NSG2: variants seen among roughly 807,000 people sequenced by gnomAD.
NSG2 encodes neuronal vesicle trafficking-associated protein 2.
A neutral mutation model predicts 16.9 loss-of-function variants in NSG2; 4 were observed. That is an observed-to-expected ratio of 0.24 (90% CI 0.12 to 0.54). The LOEUF (loss-of-function observed/expected upper bound fraction) is 0.54. NSG2 is among the 20% of genes least tolerant of loss of function. NSG2 has a pLI of 0.95. For synonymous variants in NSG2, 98 were observed against 88.7 expected (o/e 1.11, Z -0.59); for missense variants, 179 against 221.1 (o/e 0.81, Z 1.21).
At chr5:174,103,670 G>A (rs1173377460) in intron 3 of NSG2, among the ~76,000 whole-genome samples, 3 of 152,136 alleles carry the variant, frequency 2.0e-5, no homozygotes, top group Non-Finnish European at 4.4e-5. Flanking sequence ...GGAGTGGTCG[G>A]GTGCAGTGGC....
intron 2 of NSG2, among the ~76,000 whole-genome samples, chr5:174,062,159 G>T (rs1760063771): frequency 6.6e-6 from 1 of 152,052 alleles, no homozygotes; most frequent in Non-Finnish European, 1.5e-5. Flanking sequence ...ACAATCCAAC[G>T]AGGTGGTCAT....
chr5:174,051,061 G>A (rs188386434), intron 2 of NSG2, among the ~76,000 whole-genome samples: 31 of 152,254 alleles, frequency 2.0e-4, no homozygotes, highest in Admixed American at 1.7e-3. Context: ...TCGAATGTTA[G>A]CGTGCCAGAC....
chr5:174,084,396 G>GC (rs1760558457), intron 3 of NSG2, among the ~76,000 whole-genome samples: 2 of 152,178 alleles, frequency 1.3e-5, no homozygotes, highest in African/African-American at 4.8e-5. Context: ...CCAAGTCCTG[G>GC]CCAGATGCAG....
chr5:174,080,525 T>TTCTTTCTC (rs1554101503), intron 3 of NSG2, among the ~76,000 whole-genome samples: 4 of 125,282 alleles, frequency 3.2e-5, no homozygotes, highest in Admixed American at 8.3e-5. Context: ...CTTTCTTTCT[T>TTCTTTCTC]TCTCTCTCTC....
chr5:174,105,666 A>G (rs542654638), intron 4 of NSG2, among the ~76,000 whole-genome samples: 3 of 152,242 alleles, frequency 2.0e-5, no homozygotes, highest in Non-Finnish European at 4.4e-5. Flanking sequence ...GCCTTCCTAG[A>G]TTACACTCCA....
intron 3 of NSG2, among the ~76,000 whole-genome samples, chr5:174,095,377 A>G (rs1033994530): frequency 1.3e-5 from 2 of 152,220 alleles, no homozygotes; most frequent in Admixed American, 6.5e-5. Flanking sequence ...TGGCAGGGCC[A>G]CATTTCCTCT....
intron 3 of NSG2, among the ~76,000 whole-genome samples, chr5:174,086,091 G>C (rs898212039): frequency 1.3e-5 from 2 of 152,060 alleles, no homozygotes; most frequent in African/African-American, 4.8e-5. Context: ...TTAACCCCCT[G>C]CCCTGCCCTG....
At chr5:174,051,406 G>T (rs1318939223) in intron 2 of NSG2, among the ~76,000 whole-genome samples, 1 of 152,068 alleles carries the variant, frequency 6.6e-6, no homozygotes, top group East Asian at 1.9e-4. Context: ...TGGCTCCTTT[G>T]CTTGTATGAT....
intron 2 of NSG2, among the ~76,000 whole-genome samples, 175 bp from the exon 3 acceptor site, chr5:174,064,057 G>A (rs1760100193): frequency 1.3e-5 from 2 of 152,158 alleles, no homozygotes; most frequent in Non-Finnish European, 2.9e-5. Flanking sequence ...GGTTGTCTCT[G>A]TTGGAATGGG....
Position 174,067,125 on chromosome 5 carries a change from A to C in NSG2, c.213+2810A>C, listed in dbSNP as rs546250333. On this transcript the variant is annotated intron_variant, in intron 3 of 4. Coordinates refer to ENST00000303177, the MANE Select transcript of NSG2 (RefSeq NM_015980.5). ...ATGCTTTCTAGGATTGGAGCTATGA[A>C]AAATTACAAATAAATGTATTAATAT... is the stretch of plus-strand genomic sequence containing the variant. Among the ~76,000 whole-genome samples, 3 of 152,318 alleles carry C rather than the reference A, an allele frequency of 2.0e-5. No homozygotes were observed. In the South Asian group the frequency reaches 6.2e-4, roughly 32 times the overall value.
At chr5:174,088,186 C>T (rs960936055) in intron 3 of NSG2, among the ~76,000 whole-genome samples, 9 of 152,184 alleles carry the variant, frequency 5.9e-5, no homozygotes, top group African/African-American at 1.9e-4. Context: ...TTCCACCTTT[C>T]GGCGTTTTGG....
chr5:174,080,647 C>T (rs1247497891), intron 3 of NSG2, among the ~76,000 whole-genome samples: 1 of 151,782 alleles, frequency 6.6e-6, no homozygotes, highest in Non-Finnish European at 1.5e-5. Context: ...CTGCAACCTC[C>T]ACCTCCCGGG....
rs1448228802 is a variant in NSG2, at chr5:174,046,640, T to A, written c.-22-94T>A. Reference sequence around the variant, plus strand: ...ATCACTAGATTGAAAGCCACTTGAGTGGAGCTGTTGAGGACAGTGCTATTT... The same window carrying A: ...ATCACTAGATTGAAAGCCACTTGAGAGGAGCTGTTGAGGACAGTGCTATTT... On this transcript the variant is annotated intron_variant, in intron 1 of 4. Transcript: ENST00000303177. 23 of 1,058,058 alleles carry A rather than the reference T, an allele frequency of 2.2e-5. No homozygotes were observed. The East Asian group carries it at 5.4e-4, about 25-fold the overall frequency. 65.5% of individuals were successfully genotyped at this position (1,058,058 alleles called of 1,614,324 possible). A position where few individuals can be genotyped will look rare whatever the true frequency, so the allele number is the denominator to read the frequency against.
chr5:174,060,385 T>A (rs994867888), intron 2 of NSG2, among the ~76,000 whole-genome samples: 13 of 151,158 alleles, frequency 8.6e-5, no homozygotes, highest in Non-Finnish European at 8.9e-5. Flanking sequence ...TTTTTTTTTT[T>A]AAATTTACTA....
intron 3 of NSG2, among the ~76,000 whole-genome samples, chr5:174,088,501 A>T (rs1373922639): frequency 1.3e-5 from 2 of 152,236 alleles, no homozygotes; most frequent in Admixed American, 6.5e-5. Flanking sequence ...AGATATGTGC[A>T]TGAGTCTGAT....
chr5:174,101,559 A>C (rs892222600), intron 3 of NSG2, among the ~76,000 whole-genome samples: 4 of 152,184 alleles, frequency 2.6e-5, no homozygotes, highest in African/African-American at 9.7e-5. Context: ...ACATGTGGCC[A>C]TTGGCGTCTG....
intron 3 of NSG2, among the ~76,000 whole-genome samples, chr5:174,067,423 G>A (rs1271061374): frequency 6.6e-6 from 1 of 152,166 alleles, no homozygotes; most frequent in Non-Finnish European, 1.5e-5. Context: ...AAAGGGTGCT[G>A]GGTCAGGGAC....
chr5:174,060,342 G>A (rs754868062), intron 2 of NSG2, among the ~76,000 whole-genome samples: 5 of 151,810 alleles, frequency 3.3e-5, no homozygotes, highest in South Asian at 2.1e-4. Flanking sequence ...GAGAGGGAGC[G>A]AGAAAGACTA....
chr5:174,046,922 TC>T (rs767410764), intron 2 of NSG2, 38 bp downstream of exon 2: 3 of 1,596,050 alleles, frequency 1.9e-6, no homozygotes, highest in Non-Finnish European at 2.6e-6. Flanking sequence ...GCCCCCAGGC[TC>T]CCCCCATCTC....
Sources: gnomAD v4.1 joint callset for allele counts (sites outside exome capture counted in the v4.1 genomes callset) on GRCh38, gnomAD v4.1.1 for gene constraint, MANE v1.5 for transcripts, NCBI Gene and HGNC (gene_info 2026-07-23, HGNC 2026-07-21) for gene names.